BNC2: variants seen among roughly 807,000 people sequenced by gnomAD.
The protein encoded by BNC2 is basonuclin zinc finger protein 2.
A neutral mutation model predicts 76.3 loss-of-function variants in BNC2; 20 were observed. That is an observed-to-expected ratio of 0.26 (90% CI 0.18 to 0.38). The LOEUF (loss-of-function observed/expected upper bound fraction) is 0.38. Among genes scored for constraint, BNC2 ranks in the 10% least tolerant of loss-of-function variants. BNC2 has a pLI of 1.00. For missense variants in BNC2, 1,382 were observed against 1,399.8 expected, an observed-to-expected ratio of 0.99 and a Z score of 0.20; for synonymous variants, 582 against 514.8, an observed-to-expected ratio of 1.13 and a Z score of -1.77.
intron 3 of BNC2, 51 bp from the exon 4 acceptor site, chr9:16,583,136 A>G: frequency 1.4e-6 from 2 of 1,397,680 alleles, no homozygotes; most frequent in South Asian, 2.3e-5. Flanking sequence ...AAGATACTAT[A>G]CTCTTTTCAC....
intron 5 of BNC2, among the ~76,000 whole-genome samples, chr9:16,539,832 G>GGAAAGGAAAGGAAAGGAAA (rs1818263906): frequency 1.2e-5 from 1 of 81,878 alleles, no homozygotes; most frequent in African/African-American, 3.7e-5. Context: ...AGGAAAGGAA[G>GGAAAGGAAAGGAAAGGAAA]GGAAGGGAAG....
At chr9:16,721,839 C>T (rs1232134299) in intron 3 of BNC2, among the ~76,000 whole-genome samples, 5 of 152,082 alleles carry the variant, frequency 3.3e-5, no homozygotes, top group African/African-American at 1.2e-4. Flanking sequence ...ATTCCTAGAT[C>T]GATTCAAACA....
In BNC2 at chr9:16,416,460, G is replaced by A. The variant is rs574236109; in HGVS notation, c.*2529C>T. 1 of 152,674 alleles carries A rather than the reference G, an allele frequency of 6.5e-6. No homozygotes were observed. The highest frequency in any genetic ancestry group is 2.1e-4 in the South Asian group (1 of 4,830). The allele number at this position is 152,674 out of a possible 1,614,324, so 9.5% of individuals were successfully genotyped here. On this transcript the variant is annotated 3_prime_UTR_variant, in exon 7 of 7. Coordinates refer to ENST00000380672, the MANE Select transcript of BNC2 (RefSeq NM_017637.6). ...CAATCTTTCACAAACATACTGTACA[G>A]AGTCTTATATGGTATAAAACAAAGG...
intron 1 of BNC2, among the ~76,000 whole-genome samples, chr9:16,766,171 T>G (rs1222682254): frequency 6.6e-6 from 1 of 152,218 alleles, no homozygotes. Context: ...AACTGTGAAT[T>G]TCTTCACTTT....
chr9:16,736,065 C>T lies in BNC2; in HGVS notation c.129+2295G>A, dbSNP rs367857120. 3.1e-3 allele frequency among the ~76,000 whole-genome samples: 473 copies of T among 151,742 alleles called. 3 individuals are homozygous for T. The highest frequency in any genetic ancestry group is 0.011 in the African/African-American group (457 of 41,414). On this transcript the variant is annotated intron_variant, in intron 2 of 6. Coordinates refer to ENST00000380672, the MANE Select transcript of BNC2 (RefSeq NM_017637.6). Reference sequence around the variant, plus strand: ...TATGGCCAACATGGCAAAATCCCATCTCTACTAAAAATACAAAACTTAGCC... The same window carrying T: ...TATGGCCAACATGGCAAAATCCCATTTCTACTAAAAATACAAAACTTAGCC...
chr9:16,746,654 C>T (rs1360457247), intron 1 of BNC2, among the ~76,000 whole-genome samples: 3 of 151,104 alleles, frequency 2.0e-5, no homozygotes, highest in Non-Finnish European at 3.0e-5. Flanking sequence ...CGTGAACAAC[C>T]GCGCCTGGCC....
rs193290607 is a variant in BNC2 at position 16,804,436 on chromosome 9, T to G, written c.4-65951A>C. Among the ~76,000 whole-genome samples, 147 of 152,340 alleles carry G rather than the reference T, an allele frequency of 9.6e-4. 1 individual carries two copies. The highest frequency in any genetic ancestry group is 3.3e-3 in the African/African-American group (139 of 41,580). On this transcript the variant is annotated intron_variant, in intron 1 of 6. Transcript: ENST00000380672. ...AAGTCCAAATCTAGACTCCACTGTC[T>G]TAGTATGCTATACTCTATGCATGCA...
At chr9:16,525,843 A>G (rs7031782) in intron 5 of BNC2, among the ~76,000 whole-genome samples, 14,182 of 152,152 alleles carry the variant, frequency 0.093, 1,957 homozygotes, top group African/African-American at 0.3. Context: ...CTAGAACTAT[A>G]CCCCAATATC....
At chr9:16,517,316 G>C (rs1817471471) in intron 5 of BNC2, among the ~76,000 whole-genome samples, 1 of 152,140 alleles carries the variant, frequency 6.6e-6, no homozygotes, top group South Asian at 2.1e-4. Flanking sequence ...GTAATTAAAT[G>C]TTAGTCAATC....
intron 3 of BNC2, among the ~76,000 whole-genome samples, chr9:16,635,833 G>A (rs939609689): frequency 1.3e-5 from 2 of 152,196 alleles, no homozygotes; most frequent in Non-Finnish European, 2.9e-5. Flanking sequence ...TCAACACAGA[G>A]AAGGCAAATT....
At chr9:16,825,878 T>G (rs1818442890) in intron 1 of BNC2, among the ~76,000 whole-genome samples, 1 of 152,126 alleles carries the variant, frequency 6.6e-6, no homozygotes, top group South Asian at 2.1e-4. Flanking sequence ...ATTTTTTTTT[T>G]GCATGTGTCA....
chr9:16,589,497 T>TTTTGTTTGTTTG (rs71325976), intron 3 of BNC2, among the ~76,000 whole-genome samples: 1,935 of 149,086 alleles, frequency 0.013, 22 homozygotes, highest in South Asian at 0.021. Context: ...AAAAGCCATT[T>TTTTGTTTGTTTG]TTTGTTTGTT....
chr9:16,482,010 C>G (rs1250128578), intron 5 of BNC2, among the ~76,000 whole-genome samples: 1 of 152,126 alleles, frequency 6.6e-6, no homozygotes, highest in Non-Finnish European at 1.5e-5. Flanking sequence ...AAAATAAGTA[C>G]TCAATAAATG....
At chr9:16,447,686 T>C (rs958299329) in intron 5 of BNC2, among the ~76,000 whole-genome samples, 9 of 152,078 alleles carry the variant, frequency 5.9e-5, no homozygotes, top group Non-Finnish European at 8.8e-5. Context: ...AAGTAAAAAT[T>C]CTGCTTGTAA....
intron 5 of BNC2, among the ~76,000 whole-genome samples, chr9:16,514,747 T>G (rs996406506): frequency 5.3e-5 from 8 of 152,164 alleles, no homozygotes; most frequent in African/African-American, 1.9e-4. Flanking sequence ...GAACTGTTGT[T>G]AGCAAGGGAT....
At chr9:16,681,328 C>A (rs781771765) in intron 3 of BNC2, among the ~76,000 whole-genome samples, 2 of 152,052 alleles carry the variant, frequency 1.3e-5, no homozygotes, top group East Asian at 3.9e-4. Flanking sequence ...AACATTTTAT[C>A]GGAGGGGAAA....
chr9:16,566,263 A>G (rs1819163918), intron 4 of BNC2, among the ~76,000 whole-genome samples: 2 of 152,132 alleles, frequency 1.3e-5, no homozygotes, highest in Non-Finnish European at 2.9e-5. Flanking sequence ...GAGTAATCAT[A>G]CTGTTGGATG....
intron 1 of BNC2, among the ~76,000 whole-genome samples, chr9:16,816,201 G>C (rs887960479): frequency 1.3e-5 from 2 of 152,110 alleles, no homozygotes; most frequent in East Asian, 3.9e-4. Context: ...TTCTGGCCAA[G>C]TAAAGCAGAA....
At chr9:16,651,458 C>A (rs749241146) in intron 3 of BNC2, among the ~76,000 whole-genome samples, 8 of 152,118 alleles carry the variant, frequency 5.3e-5, no homozygotes, top group Non-Finnish European at 1.0e-4. Context: ...GATTTTGTCA[C>A]AGAACTGGGG....
Sources: gnomAD v4.1 joint callset for allele counts (sites outside exome capture counted in the v4.1 genomes callset) on GRCh38, gnomAD v4.1.1 for gene constraint, MANE v1.5 for transcripts, NCBI Gene and HGNC (gene_info 2026-07-23, HGNC 2026-07-21) for gene names.